PCDHGA7: variants seen among roughly 807,000 people sequenced by gnomAD.
PCDHGA7 encodes protocadherin gamma-A7.
In PCDHGA7, 44 loss-of-function variants were observed where a neutral mutation model predicts 58.3. The observed-to-expected ratio is 0.75, with a 90% confidence interval of 0.59 to 0.97. PCDHGA7 has a LOEUF of 0.97. Ranked by LOEUF, PCDHGA7 falls within the 50% of genes least tolerant of loss-of-function variation. The pLI is 0.00. For missense variants in PCDHGA7, 1,266 were observed against 1,188.7 expected (o/e 1.06, Z -0.96); for synonymous variants, 516 against 504.2 (o/e 1.02, Z -0.31).
chr5:141,391,929 T>C (rs1035871197), intron 1 of PCDHGA7: 1 of 152,214 alleles, frequency 6.6e-6, no homozygotes, highest in African/African-American at 2.4e-5. Flanking sequence ...ATCTGTACCT[T>C]TCAAGTATTC....
intron 1 of PCDHGA7, chr5:141,423,339 C>T (rs1393650718): frequency 6.2e-7 from 1 of 1,614,072 alleles, no homozygotes; most frequent in Non-Finnish European, 8.5e-7. Flanking sequence ...TCTCCTGCAT[C>T]TTCCTGGTCT....
intron 3 of PCDHGA7, among the ~76,000 whole-genome samples, chr5:141,510,375 G>A (rs980966602): frequency 3.4e-5 from 5 of 148,132 alleles, no homozygotes; most frequent in East Asian, 2.0e-4. Context: ...ATCTCTACTC[G>A]TGCCAGGCCT....
At chr5:141,389,585 C>G in intron 1 of PCDHGA7, 1 of 1,613,182 alleles carries the variant, frequency 6.2e-7, no homozygotes, top group Non-Finnish European at 8.5e-7. Context: ...CGCTGGGTCC[C>G]GACGGCTCTG....
At chr5:141,441,127 G>A (rs1224106490) in intron 1 of PCDHGA7, 2 of 152,138 alleles carry the variant, frequency 1.3e-5, no homozygotes, top group African/African-American at 2.4e-5. Context: ...AGTTGAGACC[G>A]AATTTCTAGA....
intron 2 of PCDHGA7, among the ~76,000 whole-genome samples, chr5:141,505,007 C>T (rs1210694913): frequency 6.6e-6 from 1 of 152,050 alleles, no homozygotes; most frequent in Non-Finnish European, 1.5e-5. Flanking sequence ...ACTAAAAATA[C>T]AAAAATTAGC....
chr5:141,451,007 T>A (rs2098704118), intron 1 of PCDHGA7, among the ~76,000 whole-genome samples: 1 of 151,594 alleles, frequency 6.6e-6, no homozygotes, highest in Non-Finnish European at 1.5e-5. Flanking sequence ...TTGTATTTTT[T>A]TTAGTAGAGA....
Position 141,477,068 on chromosome 5 carries a change from C to G in PCDHGA7, c.2425-17739C>G. The G allele has an allele frequency of 6.2e-7, 1 of 1,614,268 alleles. No individual in the cohort carries two copies. Among genetic ancestry groups the G allele is most frequent in the Non-Finnish European group, 8.5e-7 (1 of 1,180,046 alleles). On this transcript the variant is annotated intron_variant, in intron 1 of 3. Coordinates refer to ENST00000518325, the MANE Select transcript of PCDHGA7 (RefSeq NM_018920.4). This position sits in a 1 kb window ranked among gnomAD's most constrained non-coding sequence, Gnocchi z 4.9. ...GCTGGACTTCGAGGACACCAAACTC[C>G]ATGAGATTTACATCCAGGCCAAAGA...
At chr5:141,404,877 T>C in intron 1 of PCDHGA7, 1 of 1,613,856 alleles carries the variant, frequency 6.2e-7, no homozygotes, top group East Asian at 2.2e-5. Flanking sequence ...AAACAGAGCC[T>C]TGTGGTGGCT....
At chr5:141,419,728 A>T (rs2096421858) in intron 1 of PCDHGA7, 1 of 1,613,466 alleles carries the variant, frequency 6.2e-7, no homozygotes. Flanking sequence ...GGCTGCGAAC[A>T]GGCGAGGTGC....
At chr5:141,461,422 C>A (rs2099015157) in intron 1 of PCDHGA7, among the ~76,000 whole-genome samples, 1 of 151,930 alleles carries the variant, frequency 6.6e-6, no homozygotes, top group African/African-American at 2.4e-5. Flanking sequence ...TGTTTGTGGG[C>A]CATTTGTATA....
rs201424832 is a variant in PCDHGA7 at position 141,490,802 on chromosome 5, C to T, written c.2425-4005C>T. On this transcript the variant is annotated intron_variant, in intron 1 of 3. Transcript: ENST00000518325. This position sits in a 1 kb window ranked among gnomAD's most constrained non-coding sequence, Gnocchi z 5.4. Reference sequence around the variant, plus strand: ...GATGGACGGATCTTTGCCCAGCGTACCTTTGACTATGAATTGCTGCAGATG... The same window carrying T: ...GATGGACGGATCTTTGCCCAGCGTATCTTTGACTATGAATTGCTGCAGATG... 1 of 1,613,944 alleles carries T rather than the reference C, an allele frequency of 6.2e-7. No homozygotes were observed. Among genetic ancestry groups the T allele is most frequent in the East Asian group, 2.2e-5 (1 of 44,886 alleles).
intron 1 of PCDHGA7, chr5:141,415,641 TAAA>T: frequency 7.8e-7 from 1 of 1,280,840 alleles, no homozygotes; most frequent in African/African-American, 1.5e-5. Context: ...TTACTTTTGT[TAAA>T]AAAAAAAAGA....
intron 1 of PCDHGA7, chr5:141,419,497 G>A (rs1357823931): frequency 6.2e-7 from 1 of 1,612,390 alleles, no homozygotes; most frequent in South Asian, 1.1e-5. Context: ...GCGCCAATGT[G>A]AGCCTGCGCG....
intron 1 of PCDHGA7, chr5:141,413,943 T>A: frequency 1.2e-6 from 2 of 1,613,420 alleles, no homozygotes; most frequent in Non-Finnish European, 1.7e-6. Context: ...TGAGTGTTCC[T>A]GAGAATTTGC....
At chr5:141,451,019 G>A (rs1348607593) in intron 1 of PCDHGA7, among the ~76,000 whole-genome samples, 7 of 151,274 alleles carry the variant, frequency 4.6e-5, no homozygotes, top group Admixed American at 2.0e-4. Context: ...TAGTAGAGAC[G>A]AGGTTTCACC....
chr5:141,445,137 T>C (rs933188032), intron 1 of PCDHGA7, among the ~76,000 whole-genome samples: 9 of 152,248 alleles, frequency 5.9e-5, no homozygotes, highest in Admixed American at 3.3e-4. Context: ...AAATTGTATC[T>C]TCTAATTGTT....
intron 1 of PCDHGA7, chr5:141,468,586 G>C (rs1232477889): frequency 1.3e-5 from 2 of 152,176 alleles, no homozygotes; most frequent in East Asian, 1.9e-4. Context: ...GGTACTAAAG[G>C]CTGGGCGCGG....
chr5:141,422,477 A>G (rs1230502545), intron 1 of PCDHGA7: 2 of 1,613,904 alleles, frequency 1.2e-6, no homozygotes, highest in Admixed American at 1.7e-5. Flanking sequence ...GAGTTGGTCC[A>G]GAGCTACAAT....
At chr5:141,417,972 C>T (rs2154547391) in intron 1 of PCDHGA7, 2 of 1,613,830 alleles carry the variant, frequency 1.2e-6, no homozygotes, top group Admixed American at 1.7e-5. Flanking sequence ...TACTCGATTC[C>T]GGAGGAGCTG....
Sources: allele counts gnomAD v4.1 joint callset (sites outside exome capture counted in the v4.1 genomes callset), GRCh38; gene constraint gnomAD v4.1.1; non-coding constraint Gnocchi (gnomAD v3.1); transcripts MANE v1.5; gene names NCBI Gene and HGNC (gene_info 2026-07-23, HGNC 2026-07-21).